Variants in SEPTIN2 observed in about 807,000 individuals in gnomAD.
SEPTIN2 encodes the protein septin 2.
SEPTIN2 carries 34 observed loss-of-function variants against 46.5 expected under a neutral mutation model. The observed-to-expected ratio is 0.73, with a 90% confidence interval of 0.56 to 0.97. SEPTIN2 has a LOEUF of 0.97. Ranked by LOEUF, SEPTIN2 falls within the 50% of genes least tolerant of loss-of-function variation. SEPTIN2 has a pLI of 0.00. For synonymous variants in SEPTIN2, 175 were observed against 153.4 expected (o/e 1.14, Z -1.04); for missense variants, 347 against 448.4 (o/e 0.77, Z 2.04).
intron 8 of SEPTIN2, 37 bp downstream of exon 8, chr2:241,343,130 C>T (rs773199065): frequency 8.9e-7 from 1 of 1,123,462 alleles, no homozygotes; most frequent in African/African-American, 1.5e-5. Flanking sequence ...ATAAATAACT[C>T]CTGTTTACTG....
At chr2:241,348,078 G>A in intron 10 of SEPTIN2, 56 bp from the exon 11 acceptor site, 4 of 1,359,468 alleles carry the variant, frequency 2.9e-6, no homozygotes, top group South Asian at 1.2e-5. Context: ...TTTTTGGGGG[G>A]GTAGCAAATA....
intron 3 of SEPTIN2, among the ~76,000 whole-genome samples, chr2:241,327,121 A>G (rs1344058856): frequency 2.6e-5 from 4 of 151,990 alleles, no homozygotes; most frequent in African/African-American, 9.7e-5. Flanking sequence ...CTAATGTCTA[A>G]TAGAAAATTG....
intron 3 of SEPTIN2, among the ~76,000 whole-genome samples, chr2:241,330,250 C>A (rs555392789): frequency 1.5e-4 from 23 of 152,260 alleles, no homozygotes; most frequent in African/African-American, 5.5e-4. Flanking sequence ...TGAATAAACA[C>A]CACAGGGCTT....
intron 3 of SEPTIN2, among the ~76,000 whole-genome samples, chr2:241,330,640 A>G (rs2078843529): frequency 6.6e-6 from 1 of 152,218 alleles, no homozygotes; most frequent in Non-Finnish European, 1.5e-5. Context: ...TTTCTCACCA[A>G]TGAGATCATA....
rs556447844 is a variant in SEPTIN2, at chr2:241,318,513, A to T, written c.-18+2531A>T. Among the ~76,000 whole-genome samples, 4 of 152,302 alleles carry T rather than the reference A, an allele frequency of 2.6e-5. No individual in the cohort carries two copies. The South Asian group carries it at 8.3e-4, about 32-fold the overall frequency. On this transcript the variant is annotated intron_variant, in intron 1 of 12. Transcript: ENST00000391971. ...GGGGAAAATAAAAATGATTTGATTT[A>T]TGTAGGACCTGTTTTCTAGTTTGGT...
intron 4 of SEPTIN2, 129 bp from the exon 5 acceptor site, chr2:241,335,846 C>A (rs776534816): frequency 8.6e-7 from 1 of 1,157,156 alleles, no homozygotes; most frequent in African/African-American, 1.5e-5. Flanking sequence ...TTTTCTTAAT[C>A]CCCATGGTAT....
At chr2:241,336,382 C>A in intron 5 of SEPTIN2, 1 of 390,658 alleles carries the variant, frequency 2.6e-6, no homozygotes, top group Non-Finnish European at 4.6e-6. Context: ...GACCGAGATA[C>A]TGTAGTACAT....
intron 2 of SEPTIN2, 87 bp from the exon 3 acceptor site, chr2:241,325,906 C>A: frequency 7.7e-7 from 1 of 1,291,458 alleles, no homozygotes; most frequent in Non-Finnish European, 1.1e-6. Context: ...AACTGATAAC[C>A]TATGTTTGTT....
intron 3 of SEPTIN2, among the ~76,000 whole-genome samples, chr2:241,334,708 T>C (rs1292243658): frequency 6.6e-6 from 1 of 152,252 alleles, no homozygotes; most frequent in Non-Finnish European, 1.5e-5. Context: ...TTGTTGACAC[T>C]ATGGGATAGA....
At position 241,353,335 on chromosome 2, in the gene SEPTIN2, C is replaced by A. The variant is rs1167423446; in HGVS notation, c.*1398C>A. On this transcript the variant is annotated 3_prime_UTR_variant, in exon 13 of 13. Coordinates refer to ENST00000391971, the MANE Select transcript of SEPTIN2 (RefSeq NM_004404.5). ...TCTTGTGTCTCCTTATGGTACACTC[C>A]AGCGGTTGCCTTTTTTATCATTTCT... is the stretch of plus-strand genomic sequence containing the variant. 1 of 152,168 alleles carries A rather than the reference C, an allele frequency of 6.6e-6. No homozygotes were observed. The highest frequency in any genetic ancestry group is 1.5e-5 in the Non-Finnish European group (1 of 68,046). The allele number at this position is 152,168 out of a possible 1,614,324, so 9.4% of individuals were successfully genotyped here. A position where few individuals can be genotyped will look rare whatever the true frequency, so the allele number is the denominator to read the frequency against.
rs757213659 is a variant in SEPTIN2, at chr2:241,336,078, C to T, written c.321C>T (p.Asp107=). ...LTVVDTPGYG[D]AINCRDCFKT... ...TGGTAGATACCCCTGGCTATGGTGA[C>T]GCTATCAACTGCAGAGATTGGTATG... The change falls in exon 5 of 13, where the codon GAC becomes GAT. Residue 107 remains aspartate, a synonymous_variant. Coordinates refer to ENST00000391971, the MANE Select transcript of SEPTIN2 (RefSeq NM_004404.5). 9 of 1,613,984 alleles carry T rather than the reference C, an allele frequency of 5.6e-6. No individual in the cohort carries two copies. Among genetic ancestry groups the T allele is most frequent in the African/African-American group, 2.7e-5 (2 of 74,894 alleles).
Position 241,353,518 on chromosome 2 carries a change from A to G in SEPTIN2, c.*1581A>G, listed in dbSNP as rs1293964515. The G allele has an allele frequency of 2.0e-5, 3 of 152,228 alleles. No individual in the cohort carries two copies. Among genetic ancestry groups the G allele is most frequent in the Non-Finnish European group, 2.9e-5 (2 of 68,044 alleles). The allele number at this position is 152,228 out of a possible 1,614,324, so 9.4% of individuals were successfully genotyped here. Reference sequence around the variant, plus strand: ...TAAAATGAGGCAGTTAAATAATAATAGTTAATGAAGGTGTGCTACAGAAAA... The same window carrying G: ...TAAAATGAGGCAGTTAAATAATAATGGTTAATGAAGGTGTGCTACAGAAAA... On this transcript the variant is annotated 3_prime_UTR_variant, in exon 13 of 13. Coordinates refer to ENST00000391971, the MANE Select transcript of SEPTIN2 (RefSeq NM_004404.5).
At chr2:241,333,671 T>G (rs928457438) in intron 3 of SEPTIN2, among the ~76,000 whole-genome samples, 1 of 151,308 alleles carries the variant, frequency 6.6e-6, no homozygotes, top group East Asian at 2.0e-4. Context: ...GCCCGGCTAA[T>G]TTTTTGTATT....
chr2:241,330,644 G>T (rs1045092281), intron 3 of SEPTIN2, among the ~76,000 whole-genome samples: 8 of 152,170 alleles, frequency 5.3e-5, no homozygotes, highest in Non-Finnish European at 1.2e-4. Context: ...TCACCAATGA[G>T]ATCATATATA....
chr2:241,338,477 C>T (rs2080408112), intron 7 of SEPTIN2, among the ~76,000 whole-genome samples: 1 of 150,324 alleles, frequency 6.7e-6, no homozygotes, highest in African/African-American at 2.5e-5. Context: ...CGTGTAATCA[C>T]AGTTGCTGGG....
At chr2:241,327,899 A>G (rs1354280816) in intron 3 of SEPTIN2, among the ~76,000 whole-genome samples, 1 of 151,986 alleles carries the variant, frequency 6.6e-6, no homozygotes, top group Non-Finnish European at 1.5e-5. Flanking sequence ...CAAAAGATAT[A>G]AAAATTAGCC....
rs1252527432 is a variant in SEPTIN2, at chr2:241,337,143, A to G, written c.342-239A>G. ...GCCCTGTCTACACTGGCCCTCTCTC[A>G]GGTGCATCATAACCTATTCCATTCA... On this transcript the variant is annotated intron_variant, in intron 5 of 12. Coordinates refer to ENST00000391971, the MANE Select transcript of SEPTIN2 (RefSeq NM_004404.5). 3 of 442,258 alleles carry G rather than the reference A, an allele frequency of 6.8e-6. 1 individual carries two copies. Among genetic ancestry groups the G allele is most frequent in the Non-Finnish European group, 1.2e-5 (3 of 251,324 alleles). 27.4% of individuals were successfully genotyped at this position (442,258 alleles called of 1,614,324 possible). A position where few individuals can be genotyped will look rare whatever the true frequency, so the allele number is the denominator to read the frequency against.
At position 241,336,011 on chromosome 2, in the gene SEPTIN2, C is replaced by G. The variant is rs147156230; in HGVS notation, c.254C>G (p.Thr85Ser). The change falls in exon 5 of 13, where the codon ACT (threonine) becomes AGT (serine). Residue 85 changes from threonine to serine, a missense_variant. Transcript: ENST00000391971. ...IERTVQIEAS[T>S]VEIEERGVKL... ...AGAACTGTCCAGATTGAGGCTTCAACTGTTGAAATTGAAGAGCGAGGGGTC... is the reference window on the plus strand; with the variant it reads ...AGAACTGTCCAGATTGAGGCTTCAAGTGTTGAAATTGAAGAGCGAGGGGTC... The G allele has an allele frequency of 1.8e-5, 29 of 1,613,728 alleles. No individual in the cohort carries two copies. The highest frequency in any genetic ancestry group is 5.0e-5 in the Admixed American group (3 of 59,996).
intron 4 of SEPTIN2, 187 bp downstream of exon 4, chr2:241,335,399 T>G: frequency 6.7e-7 from 1 of 1,503,348 alleles, no homozygotes; most frequent in Non-Finnish European, 9.1e-7. Context: ...TAGACTTTCT[T>G]TGACACGTAT....
Sources: gnomAD v4.1 joint callset for allele counts (sites outside exome capture counted in the v4.1 genomes callset) on GRCh38, gnomAD v4.1.1 for gene constraint, MANE v1.5 for transcripts, NCBI Gene and HGNC (gene_info 2026-07-23, HGNC 2026-07-21) for gene names.